NIPBL: variants seen among roughly 807,000 people sequenced by gnomAD.
NIPBL encodes the protein nipped-B-like protein.
NIPBL carries 19 observed loss-of-function variants against 321.8 expected under a neutral mutation model. That is an observed-to-expected ratio of 0.06 (90% CI 0.04 to 0.09). The LOEUF (loss-of-function observed/expected upper bound fraction) is 0.09, where lower values mean the gene tolerates loss of function less well. Among genes scored for constraint, NIPBL ranks in the 10% least tolerant of loss-of-function variants. The pLI is 1.00. For synonymous variants in NIPBL, 1,106 were observed against 1,114.1 expected (o/e 0.99, Z 0.14); for missense variants, 2,210 against 3,327.0 (o/e 0.66, Z 8.26).
intron 43 of NIPBL, 45 bp downstream of exon 43, chr5:37,057,377 A>G: frequency 6.4e-7 from 1 of 1,560,530 alleles, no homozygotes; most frequent in Non-Finnish European, 8.8e-7. Context: ...GTCAAAGTGC[A>G]GGCATGCTGT....
At chr5:36,936,695 A>C (rs376464204) in intron 1 of NIPBL, among the ~76,000 whole-genome samples, 1 of 152,088 alleles carries the variant, frequency 6.6e-6, no homozygotes, top group Middle Eastern at 3.2e-3. Context: ...TTTCATGACT[A>C]CTTTCAAGTT....
rs566943160 is a variant in NIPBL, at chr5:37,052,978, CTGTATAGTAGTCCACTTTTG to C, written c.7263+426_7263+445del. Among the ~76,000 whole-genome samples the C allele has an allele frequency of 1.8e-3, 278 of 152,236 alleles. 4 individuals are homozygous for C. The East Asian group carries it at 0.028, about 15-fold the overall frequency. The stretch of plus-strand genomic sequence containing the variant: ...CCCTTAATGAAGGGAAGTCACTTTT[CTGTATAGTAGTCCACTTTTG>C]TGTATAGTAGTCCTCCCTTATCATT... On this transcript the variant is annotated intron_variant, in intron 42 of 46. Coordinates refer to ENST00000282516, the MANE Select transcript of NIPBL (RefSeq NM_133433.4).
intron 2 of NIPBL, among the ~76,000 whole-genome samples, chr5:36,954,455 G>C (rs114779133): frequency 0.012 from 1,868 of 152,206 alleles, 46 homozygotes; most frequent in African/African-American, 0.043. Flanking sequence ...AGTTTATGAG[G>C]TCTAAATTAA....
chr5:36,984,242 G>C (rs1744483668), intron 9 of NIPBL, among the ~76,000 whole-genome samples: 1 of 151,640 alleles, frequency 6.6e-6, no homozygotes, highest in Non-Finnish European at 1.5e-5. Context: ...TGGCAGATTT[G>C]GAGCTCTTTA....
chr5:36,951,417 A>T (rs1035054582), intron 1 of NIPBL, among the ~76,000 whole-genome samples: 4 of 152,162 alleles, frequency 2.6e-5, no homozygotes, highest in African/African-American at 7.2e-5. Context: ...TGAATATGGC[A>T]GTGTACGTGT....
At chr5:37,012,813 A>G (rs1306579319) in intron 21 of NIPBL, among the ~76,000 whole-genome samples, 2 of 152,210 alleles carry the variant, frequency 1.3e-5, no homozygotes, top group South Asian at 4.1e-4. Context: ...ATCCCAAGGC[A>G]GAAGAATTTT....
Position 36,928,154 on chromosome 5 carries a change from A to T in NIPBL, c.-79-25464A>T, listed in dbSNP as rs193029003. 2.3e-3 allele frequency among the ~76,000 whole-genome samples: 345 copies of T among 152,328 alleles called. 3 individuals carry two copies. The highest frequency in any genetic ancestry group is 4.2e-3 in the Non-Finnish European group (285 of 68,022). On this transcript the variant is annotated intron_variant, in intron 1 of 46. Transcript: ENST00000282516. ...CTTATCTGTAAAACGAAGAGATTGGACTAGATTATTTGTAAGATGCCTTCC... is the reference window on the plus strand; with the variant it reads ...CTTATCTGTAAAACGAAGAGATTGGTCTAGATTATTTGTAAGATGCCTTCC...
intron 2 of NIPBL, among the ~76,000 whole-genome samples, chr5:36,954,726 T>A (rs1202117452): frequency 6.6e-6 from 1 of 152,146 alleles, no homozygotes; most frequent in East Asian, 1.9e-4. Context: ...TGTTGGTACC[T>A]ATTGAGGCTG....
chr5:36,961,627 T>A (rs763883165), intron 5 of NIPBL, 44 bp downstream of exon 5: 27 of 1,148,980 alleles, frequency 2.3e-5, no homozygotes, highest in Admixed American at 8.4e-5. Context: ...TCTTGTATGG[T>A]GAATATGCTG....
chr5:36,942,382 A>T (rs1207888959), intron 1 of NIPBL, among the ~76,000 whole-genome samples: 1 of 143,634 alleles, frequency 7.0e-6, no homozygotes, highest in Non-Finnish European at 1.5e-5. Flanking sequence ...CAGTGAGCTA[A>T]GATCGTGCCA....
chr5:37,002,180 T>C (rs1385783434), intron 14 of NIPBL, among the ~76,000 whole-genome samples: 1 of 152,028 alleles, frequency 6.6e-6, no homozygotes, highest in Non-Finnish European at 1.5e-5. Context: ...GGAAAAAAAG[T>C]TGTAGAGTAG....
At chr5:36,901,575 T>C (rs560153885) in intron 1 of NIPBL, among the ~76,000 whole-genome samples, 62 of 140,860 alleles carry the variant, frequency 4.4e-4, no homozygotes, top group Non-Finnish European at 7.5e-4. Context: ...AATGGCACGA[T>C]CTTGGCTCAC....
At chr5:36,969,747 A>G (rs1198005439) in intron 6 of NIPBL, among the ~76,000 whole-genome samples, 1 of 152,200 alleles carries the variant, frequency 6.6e-6, no homozygotes, top group Non-Finnish European at 1.5e-5. Context: ...AATCAAGGAA[A>G]TCCAAAGTAA....
At chr5:37,050,456 G>C (rs1368721303) in intron 40 of NIPBL, among the ~76,000 whole-genome samples, 1 of 144,244 alleles carries the variant, frequency 6.9e-6, no homozygotes, top group Non-Finnish European at 1.5e-5. Context: ...CTCCAGCCTG[G>C]CCAACAGAGG....
chr5:36,957,755 G>A (rs1290006969), intron 3 of NIPBL, among the ~76,000 whole-genome samples: 2 of 151,532 alleles, frequency 1.3e-5, no homozygotes, highest in African/African-American at 4.9e-5. Context: ...GGCCGAGGCG[G>A]GCAGACCATC....
At chr5:37,017,754 G>A (rs1186399633) in intron 24 of NIPBL, among the ~76,000 whole-genome samples, 2 of 151,500 alleles carry the variant, frequency 1.3e-5, no homozygotes, top group African/African-American at 2.4e-5. Flanking sequence ...ATCCATGTTG[G>A]TAGAAATGCC....
chr5:37,025,562 A>G (rs1222140882), intron 30 of NIPBL, among the ~76,000 whole-genome samples: 1 of 152,170 alleles, frequency 6.6e-6, no homozygotes, highest in Non-Finnish European at 1.5e-5. Context: ...AGTTATCAAA[A>G]ATACACCCAG....
intron 1 of NIPBL, among the ~76,000 whole-genome samples, chr5:36,912,727 T>TG (rs1748140840): frequency 6.6e-6 from 1 of 152,102 alleles, no homozygotes; most frequent in Non-Finnish European, 1.5e-5. Flanking sequence ...CTCAAACTCC[T>TG]GACCTCAGGT....
At chr5:36,910,851 A>G (rs1747996719) in intron 1 of NIPBL, among the ~76,000 whole-genome samples, 1 of 152,306 alleles carries the variant, frequency 6.6e-6, no homozygotes, top group Non-Finnish European at 1.5e-5. Flanking sequence ...GAGAGATTGT[A>G]GCCAAGGTTT....
Sources: allele counts gnomAD v4.1 joint callset (sites outside exome capture counted in the v4.1 genomes callset), GRCh38; gene constraint gnomAD v4.1.1; transcripts MANE v1.5; gene names NCBI Gene and HGNC (gene_info 2026-07-23, HGNC 2026-07-21).